RNF144A: variants seen among roughly 807,000 people sequenced by gnomAD.
RNF144A encodes the protein E3 ubiquitin-protein ligase RNF144A.
A neutral mutation model predicts 38.7 loss-of-function variants in RNF144A; 11 were observed. The observed-to-expected ratio is 0.28, with a 90% CI of 0.18 to 0.47. The LOEUF is 0.47. RNF144A is among the 20% of genes least tolerant of loss of function. The pLI is 0.99. For synonymous variants in RNF144A, 149 were observed against 143.9 expected (o/e 1.04, Z -0.25); for missense variants, 316 against 377.2 (o/e 0.84, Z 1.34).
chr2:6,971,025 CT>C lies in RNF144A; in HGVS notation c.-11-25889del, dbSNP rs200191237. 3.7e-4 allele frequency among the ~76,000 whole-genome samples: 57 copies of C among 152,306 alleles called. No individual in the cohort carries two copies. In the East Asian group the frequency reaches 0.011, roughly 28 times the overall value. On this transcript the variant is annotated intron_variant, in intron 2 of 8. Coordinates refer to ENST00000320892, the MANE Select transcript of RNF144A (RefSeq NM_014746.6). ...TTCCTTATTTGACACATTTTTCTTA[CT>C]TGTTTTTCTTTTTGCAAAGTGTAAC...
chr2:6,980,295 A>AAAAGTC (rs1283057973), intron 2 of RNF144A, among the ~76,000 whole-genome samples: 20 of 152,330 alleles, frequency 1.3e-4, no homozygotes, highest in Non-Finnish European at 4.4e-5. Flanking sequence ...GCATTAACCC[A>AAAAGTC]AAAGTCCAAG....
chr2:7,041,380 C>T lies in RNF144A; in HGVS notation c.*1620C>T. On this transcript the variant is annotated 3_prime_UTR_variant, in exon 9 of 9. Coordinates refer to ENST00000320892, the MANE Select transcript of RNF144A (RefSeq NM_014746.6). ...AAAACAGCGTCACCTCACTCTTCAC[C>T]TGTCATGTTGATTTTCCTTATGAAC... 2.0e-6 allele frequency: 2 copies of T among 985,888 alleles called. No individual in the cohort carries two copies. The highest frequency in any genetic ancestry group is 2.4e-6 in the Non-Finnish European group (2 of 829,940). The allele number at this position is 985,888 out of a possible 1,614,324, so 61.1% of individuals were successfully genotyped here.
In RNF144A at chr2:6,986,815, T is replaced by C. The variant is rs557227484; in HGVS notation, c.-11-10101T>C. Among the ~76,000 whole-genome samples, 3 of 152,200 alleles carry C rather than the reference T, an allele frequency of 2.0e-5. No homozygotes were observed. The South Asian group carries it at 6.2e-4, about 32-fold the overall frequency. ...GGGTTGGGGTGAGGGGCAGGGTTGC[T>C]GTGACTTCTTAGCAAATCCCTAAAC... On this transcript the variant is annotated intron_variant, in intron 2 of 8. Transcript: ENST00000320892.
At position 7,039,940 on chromosome 2, in the gene RNF144A, A is replaced by G. The variant is rs967228763; in HGVS notation, c.*180A>G. ...ATGTCACAATGTTCGCTGAGGCCCC[A>G]GGTGTGGTGGGGAGGGGAGGCAGGT... On this transcript the variant is annotated 3_prime_UTR_variant, in exon 9 of 9. Coordinates refer to ENST00000320892, the MANE Select transcript of RNF144A (RefSeq NM_014746.6). The G allele has an allele frequency of 1.4e-6, 2 of 1,415,456 alleles. No homozygotes were observed. The highest frequency in any genetic ancestry group is 1.4e-5 in the African/African-American group (1 of 69,032). The allele number at this position is 1,415,456 out of a possible 1,614,324, so 87.7% of individuals were successfully genotyped here. A position where few individuals can be genotyped will look rare whatever the true frequency, so the allele number is the denominator to read the frequency against.
At chr2:7,050,399 G>A (rs1673473889) in intron 6 of RNF144A, among the ~76,000 whole-genome samples, 1 of 152,226 alleles carries the variant, frequency 6.6e-6, no homozygotes, top group Non-Finnish European at 1.5e-5. Flanking sequence ...CCCCAGCCAT[G>A]TGGAACTGTG....
At chr2:6,965,251 A>T (rs1166376227) in intron 2 of RNF144A, among the ~76,000 whole-genome samples, 1 of 152,126 alleles carries the variant, frequency 6.6e-6, no homozygotes, top group Non-Finnish European at 1.5e-5. Flanking sequence ...GCCTGGAGGG[A>T]AAATAGGGAA....
chr2:7,074,609 A>G, the RNF144A span: 1 of 152,212 alleles, frequency 6.6e-6, no homozygotes, highest in African/African-American at 2.4e-5. Context: ...TAAAGAATTA[A>G]GTTAGTTAAA....
Position 7,042,291 on chromosome 2 carries a change from T to C in RNF144A, c.*2531T>C. ...AGGCAGATGGCCCTGGGTTTGGACT[T>C]TGATCTTGCCATCATTCCCCAGTAA... On this transcript the variant is annotated 3_prime_UTR_variant, in exon 9 of 9. Transcript: ENST00000320892. 7 of 985,426 alleles carry C rather than the reference T, an allele frequency of 7.1e-6. No homozygotes were observed. The highest frequency in any genetic ancestry group is 8.4e-6 in the Non-Finnish European group (7 of 829,926). 61.0% of individuals were successfully genotyped at this position (985,426 alleles called of 1,614,324 possible). A position where few individuals can be genotyped will look rare whatever the true frequency, so the allele number is the denominator to read the frequency against.
At chr2:7,059,622 G>A (rs17668810) in intron 6 of RNF144A, among the ~76,000 whole-genome samples, 1 of 152,136 alleles carries the variant, frequency 6.6e-6, no homozygotes, top group Non-Finnish European at 1.5e-5. Flanking sequence ...GAGAACCTTG[G>A]GGACCAGCTG....
In RNF144A at chr2:7,042,030, CA is replaced by C; in HGVS notation, c.*2271del. The C allele has an allele frequency of 1.0e-6, 1 of 985,372 alleles. No homozygotes were observed. The highest frequency in any genetic ancestry group is 1.7e-5 in the African/African-American group (1 of 57,330). The allele number at this position is 985,372 out of a possible 1,614,324, so 61.0% of individuals were successfully genotyped here. On this transcript the variant is annotated 3_prime_UTR_variant, in exon 9 of 9. Coordinates refer to ENST00000320892, the MANE Select transcript of RNF144A (RefSeq NM_014746.6). ...GGACCACAGAGATTCTGGGGCCAGCCAGGGGCAGTCAAATTGGCACCTACTG... is the reference window on the plus strand; with the variant it reads ...GGACCACAGAGATTCTGGGGCCAGCCGGGGCAGTCAAATTGGCACCTACTG...
In RNF144A at chr2:6,943,294, G is replaced by C. The variant is rs140911146; in HGVS notation, c.-12+2147G>C. Among the ~76,000 whole-genome samples, 522 of 152,288 alleles carry C rather than the reference G, an allele frequency of 3.4e-3. 3 individuals are homozygous for C. Among genetic ancestry groups the C allele is most frequent in the Middle Eastern group, 3.4e-3 (1 of 294 alleles). ...AAGAGGGAACAACCAGGGAGGAAGCGGGGGAACCAGGAGCATGGAGAGGAC... is the reference window on the plus strand; with the variant it reads ...AAGAGGGAACAACCAGGGAGGAAGCCGGGGAACCAGGAGCATGGAGAGGAC... On this transcript the variant is annotated intron_variant, in intron 2 of 8. Coordinates refer to ENST00000320892, the MANE Select transcript of RNF144A (RefSeq NM_014746.6). This position sits in a 1 kb window ranked among gnomAD's most constrained non-coding sequence, Gnocchi z 4.3.
downstream of RNF144A, among the ~76,000 whole-genome samples, chr2:7,044,527 C>G (rs1447726429): frequency 6.6e-6 from 1 of 152,214 alleles, no homozygotes; most frequent in East Asian, 1.9e-4. Flanking sequence ...TCAGGGCGCT[C>G]TGCTTCCATC....
Position 7,030,301 on chromosome 2 carries a change from GTGTGTA to G in RNF144A, c.747+90_747+95del, listed in dbSNP as rs773679676. On this transcript the variant is annotated intron_variant, in intron 8 of 8. Transcript: ENST00000320892. Reference sequence around the variant, plus strand: ...TGTGTGTGTGTGTGTGTGTGTGTGTGTGTGTATGTATATCTTTAGTGTTTCCAGACT... The same window carrying G: ...TGTGTGTGTGTGTGTGTGTGTGTGTGTGTATATCTTTAGTGTTTCCAGACT... 3.4e-3 allele frequency: 2,162 copies of G among 642,148 alleles called. 4 individuals carry two copies. Among genetic ancestry groups the G allele is most frequent in the South Asian group, 7.6e-3 (291 of 38,496 alleles). The allele number at this position is 642,148 out of a possible 1,614,324, so 39.8% of individuals were successfully genotyped here. A position where few individuals can be genotyped will look rare whatever the true frequency, so the allele number is the denominator to read the frequency against.
chr2:6,942,015 C>A (rs1000092034), intron 2 of RNF144A, among the ~76,000 whole-genome samples: 14 of 152,198 alleles, frequency 9.2e-5, no homozygotes, highest in Non-Finnish European at 1.5e-4. Context: ...GAAGCAGGGT[C>A]TATTTCATTT....
chr2:7,013,234 G>A (rs1403332138), intron 3 of RNF144A, among the ~76,000 whole-genome samples: 1 of 152,098 alleles, frequency 6.6e-6, no homozygotes, highest in East Asian at 1.9e-4. Context: ...CTGTGAGGTA[G>A]GTTAAACCAC....
At chr2:7,060,591 C>T (rs1039449254) in intron 6 of RNF144A, among the ~76,000 whole-genome samples, 3 of 152,158 alleles carry the variant, frequency 2.0e-5, no homozygotes, top group African/African-American at 7.2e-5. Flanking sequence ...TTTCTGGATC[C>T]CCAAATTTCC....
rs963366318 is a variant in RNF144A at position 6,985,751 on chromosome 2, C to T, written c.-11-11165C>T. On this transcript the variant is annotated intron_variant, in intron 2 of 8. Transcript: ENST00000320892. ...GCAGTGGCGCCATCTCGGCTCACTG[C>T]AAGCTCCGCCTCCTGGGTTCATGCC... Among the ~76,000 whole-genome samples, 4 of 152,336 alleles carry T rather than the reference C, an allele frequency of 2.6e-5. 1 individual carries two copies. In the South Asian group the frequency reaches 6.2e-4, roughly 24 times the overall value.
At chr2:6,966,352 C>T (rs1182418807) in intron 2 of RNF144A, among the ~76,000 whole-genome samples, 1 of 152,126 alleles carries the variant, frequency 6.6e-6, no homozygotes, top group African/African-American at 2.4e-5. Context: ...TAAAGAAACA[C>T]TGGAATATTT....
intron 7 of RNF144A, among the ~76,000 whole-genome samples, chr2:7,027,077 G>T (rs1350469866): frequency 6.6e-6 from 1 of 152,216 alleles, no homozygotes; most frequent in Non-Finnish European, 1.5e-5. Context: ...AGAGGAGAGA[G>T]GAGGGCTTGC....
Sources: gnomAD v4.1 joint callset for allele counts (sites outside exome capture counted in the v4.1 genomes callset) on GRCh38, gnomAD v4.1.1 for gene constraint, Gnocchi (gnomAD v3.1) non-coding constraint, MANE v1.5 for transcripts, NCBI Gene and HGNC (gene_info 2026-07-23, HGNC 2026-07-21) for gene names.